Variants in B3GALT1 observed in about 807,000 individuals in gnomAD.
B3GALT1 encodes the protein beta-1,3-galactosyltransferase 1.
In B3GALT1, 10 loss-of-function variants were observed where a neutral mutation model predicts 23.2. That is an observed-to-expected ratio of 0.43 (90% CI 0.27 to 0.73). The LOEUF (loss-of-function observed/expected upper bound fraction) is 0.73. Among genes scored for constraint, B3GALT1 ranks in the 30% least tolerant of loss-of-function variants. The pLI is 0.21. For synonymous variants in B3GALT1, 156 were observed against 141.5 expected, an observed-to-expected ratio of 1.10 and a Z score of -0.73; for missense variants, 299 against 405.4, an observed-to-expected ratio of 0.74 and a Z score of 2.25.
chr2:167,425,298 G>C (rs1646341824), intron 1 of B3GALT1, among the ~76,000 whole-genome samples: 1 of 152,118 alleles, frequency 6.6e-6, no homozygotes, highest in South Asian at 2.1e-4. Flanking sequence ...TAACTTCTTT[G>C]GTTGTTATTT....
At chr2:167,391,742 G>GTT (rs937181965) in intron 1 of B3GALT1, among the ~76,000 whole-genome samples, 2 of 152,072 alleles carry the variant, frequency 1.3e-5, no homozygotes, top group African/African-American at 4.8e-5. Flanking sequence ...TACAGTCCCA[G>GTT]TTTTGGTGTT....
chr2:167,298,867 A>G (rs931583042), intron 1 of B3GALT1, among the ~76,000 whole-genome samples: 1 of 150,904 alleles, frequency 6.6e-6, no homozygotes, highest in Admixed American at 6.6e-5. Flanking sequence ...TTTTTTTTTT[A>G]AAAAGAGCAA....
intron 3 of B3GALT1, among the ~76,000 whole-genome samples, chr2:167,662,848 G>A (rs1341519462): frequency 2.6e-5 from 4 of 151,942 alleles, no homozygotes; most frequent in Admixed American, 1.3e-4. Flanking sequence ...TTTTGCATCT[G>A]CTGTTTCTTT....
intron 3 of B3GALT1, among the ~76,000 whole-genome samples, chr2:167,812,564 A>G (rs916856412): frequency 6.6e-5 from 10 of 152,250 alleles, no homozygotes; most frequent in African/African-American, 2.4e-4. Flanking sequence ...ATAAAATTAC[A>G]TCAAAATTTT....
intron 1 of B3GALT1, among the ~76,000 whole-genome samples, chr2:167,470,578 T>C (rs1699408162): frequency 6.6e-6 from 1 of 152,166 alleles, no homozygotes; most frequent in South Asian, 2.1e-4. Flanking sequence ...GTCTAGATTA[T>C]ATTTAGAAAC....
intron 3 of B3GALT1, among the ~76,000 whole-genome samples, chr2:167,743,892 T>A (rs1207660932): frequency 2.6e-5 from 4 of 152,110 alleles, no homozygotes; most frequent in African/African-American, 9.7e-5. Flanking sequence ...TTTTCTAACT[T>A]CCTAATTTGA....
chr2:167,763,690 GAAAAAAAA>G (rs35567239), intron 3 of B3GALT1, among the ~76,000 whole-genome samples: 1 of 82,066 alleles, frequency 1.2e-5, no homozygotes, highest in Non-Finnish European at 2.1e-5. Flanking sequence ...GACTCTGTCA[GAAAAAAAA>G]AAAAAAAAAA....
At chr2:167,514,970 T>C (rs550823184) in intron 2 of B3GALT1, among the ~76,000 whole-genome samples, 78 of 152,248 alleles carry the variant, frequency 5.1e-4, no homozygotes, top group African/African-American at 1.7e-3. Context: ...TTATGATCAT[T>C]ATCTTATTAT....
At chr2:167,804,718 G>T (rs1454057479) in intron 3 of B3GALT1, among the ~76,000 whole-genome samples, 1 of 152,158 alleles carries the variant, frequency 6.6e-6, no homozygotes, top group African/African-American at 2.4e-5. Context: ...TCTTAATCCA[G>T]TCTATCATTG....
At chr2:167,671,258 G>GA (rs1333043716) in intron 3 of B3GALT1, among the ~76,000 whole-genome samples, 2 of 151,758 alleles carry the variant, frequency 1.3e-5, no homozygotes, top group East Asian at 1.9e-4. Flanking sequence ...AGATCATCCA[G>GA]AAAAAAAATC....
intron 3 of B3GALT1, among the ~76,000 whole-genome samples, chr2:167,696,712 G>A (rs1280557658): frequency 6.6e-6 from 1 of 152,142 alleles, no homozygotes; most frequent in Non-Finnish European, 1.5e-5. Context: ...GGAATCAAAA[G>A]ACAAGAACGC....
intron 2 of B3GALT1, among the ~76,000 whole-genome samples, chr2:167,509,487 A>G (rs957557538): frequency 3.3e-5 from 5 of 152,174 alleles, no homozygotes; most frequent in Non-Finnish European, 7.4e-5. Flanking sequence ...TTAAAGGGTG[A>G]TAATTGCTAA....
At chr2:167,679,121 T>G (rs1686481698) in intron 3 of B3GALT1, among the ~76,000 whole-genome samples, 1 of 115,838 alleles carries the variant, frequency 8.6e-6, no homozygotes, top group Non-Finnish European at 2.1e-5. Context: ...TTTTTGTTTT[T>G]GTTTTTTTTT....
chr2:167,607,982 G>C (rs1427918851), intron 2 of B3GALT1, among the ~76,000 whole-genome samples: 2 of 152,158 alleles, frequency 1.3e-5, no homozygotes, highest in African/African-American at 2.4e-5. Context: ...ATTAAATCTT[G>C]TGACATTTAA....
intron 2 of B3GALT1, among the ~76,000 whole-genome samples, chr2:167,516,378 T>C (rs1157434359): frequency 6.6e-6 from 1 of 152,088 alleles, no homozygotes; most frequent in Admixed American, 6.6e-5. Flanking sequence ...CTTTTGTTTT[T>C]GTTTTGCTTA....
chr2:167,363,898 C>T (rs1697541257), intron 1 of B3GALT1, among the ~76,000 whole-genome samples: 1 of 152,080 alleles, frequency 6.6e-6, no homozygotes, highest in Non-Finnish European at 1.5e-5. Flanking sequence ...ATGGCTCACA[C>T]CTATAATCCC....
rs577939528 is a variant in B3GALT1 at position 167,363,774 on chromosome 2, G to C, written c.-511+70440G>C. 4.6e-5 allele frequency among the ~76,000 whole-genome samples: 7 copies of C among 152,182 alleles called. No individual in the cohort carries two copies. The South Asian group carries it at 1.5e-3, about 32-fold the overall frequency. ...TTTTGAGGGCAGAATTTCCATCTCTGATTCCCAACATCTTAGTAAGTAGCA... is the reference window on the plus strand; with the variant it reads ...TTTTGAGGGCAGAATTTCCATCTCTCATTCCCAACATCTTAGTAAGTAGCA... On this transcript the variant is annotated intron_variant, in intron 1 of 4. Transcript: ENST00000392690.
chr2:167,669,634 T>C (rs1489294017), intron 3 of B3GALT1, among the ~76,000 whole-genome samples: 1 of 152,238 alleles, frequency 6.6e-6, no homozygotes, highest in African/African-American at 2.4e-5. Flanking sequence ...CTAAAATTTA[T>C]CATATATTTT....
chr2:167,660,974 A>C (rs1331685775), intron 3 of B3GALT1, among the ~76,000 whole-genome samples: 1 of 152,090 alleles, frequency 6.6e-6, no homozygotes, highest in Admixed American at 6.6e-5. Flanking sequence ...TGTTGCTGAT[A>C]GTTTGGGATT....
Sources: gnomAD v4.1 joint callset for allele counts (sites outside exome capture counted in the v4.1 genomes callset) on GRCh38, gnomAD v4.1.1 for gene constraint, MANE v1.5 for transcripts, NCBI Gene and HGNC (gene_info 2026-07-23, HGNC 2026-07-21) for gene names.